PUDP: variants seen among roughly 807,000 people sequenced by gnomAD.
PUDP encodes the protein pseudouridine-5'-phosphatase.
A neutral mutation model predicts 9.4 loss-of-function variants in PUDP; 8 were observed. The ratio of observed to expected loss-of-function variants is 0.85; its 90% CI spans 0.50 to 1.53. The LOEUF is 1.53. Among genes scored for constraint, PUDP ranks in the 40% most tolerant of loss-of-function variants. PUDP has a pLI of 0.00. For synonymous variants in PUDP, 99 were observed against 80.7 expected (o/e 1.23, Z -1.22); for missense variants, 188 against 189.7 (o/e 0.99, Z 0.05).
chrX:7,007,945 T>C (rs1447768334), intron 1 of PUDP, among the ~76,000 whole-genome samples: 2 of 111,263 alleles, frequency 1.8e-5, no homozygotes, highest in Non-Finnish European at 3.8e-5. Flanking sequence ...ACAAGGGCTT[T>C]ATTATGGATA....
chrX:6,713,142 C>T (rs1200800883), intron 1 of PUDP, among the ~76,000 whole-genome samples: 1 of 112,350 alleles, frequency 8.9e-6, no homozygotes, highest in Non-Finnish European at 1.9e-5. Context: ...CCTGTCTTTT[C>T]ATCTTCACAT....
Position 6,715,141 on chromosome X carries a change from A to G in PUDP, n.128+6276T>C, listed in dbSNP as rs1924585742. On this transcript the variant is annotated intron_variant and non_coding_transcript_variant, in intron 1 of 2. Transcript: ENST00000438499. The stretch of plus-strand genomic sequence containing the variant: ...AATATTTTTTACCAAAAGGTAGTTC[A>G]TATTGATCATGTTTTATTTTAATTT... 2.7e-5 allele frequency among the ~76,000 whole-genome samples: 3 copies of G among 111,331 alleles called. No homozygotes were observed. In the South Asian group the frequency reaches 1.1e-3, roughly 41 times the overall value.
chrX:7,003,808 G>A (rs748378535), intron 1 of PUDP, among the ~76,000 whole-genome samples: 2 of 111,849 alleles, frequency 1.8e-5, no homozygotes, highest in East Asian at 2.8e-4. Flanking sequence ...CCACAATTTT[G>A]ATAGTGATGA....
intron 3 of PUDP, among the ~76,000 whole-genome samples, chrX:6,747,331 C>T (rs1925011718): frequency 8.9e-6 from 1 of 111,899 alleles, no homozygotes; most frequent in South Asian, 3.7e-4. Flanking sequence ...TCAGAAGGTA[C>T]AATGCCATCC....
At chrX:6,778,615 A>C (rs150249703) in intron 3 of PUDP, among the ~76,000 whole-genome samples, 1 of 112,469 alleles carries the variant, frequency 8.9e-6, no homozygotes, top group East Asian at 2.8e-4. Flanking sequence ...GAGAGTGAAT[A>C]ATCATTTGCA....
chrX:7,114,609 C>T (rs776309799), intron 1 of PUDP, among the ~76,000 whole-genome samples: 56 of 111,394 alleles, frequency 5.0e-4, no homozygotes, highest in Non-Finnish European at 8.9e-4. Flanking sequence ...CAGGCCCTAC[C>T]CCAGATCTAC....
intron 3 of PUDP, among the ~76,000 whole-genome samples, chrX:7,065,232 C>T (rs1453586717): frequency 1.8e-5 from 2 of 111,776 alleles, no homozygotes; most frequent in Non-Finnish European, 3.8e-5. Flanking sequence ...CTGGGGACAG[C>T]TCTAGGGGTA....
At chrX:6,724,033 T>TA (rs960660523), upstream of PUDP, among the ~76,000 whole-genome samples, 3 of 111,889 alleles carry the variant, frequency 2.7e-5, no homozygotes, top group African/African-American at 9.7e-5. Context: ...AGAAATCTGT[T>TA]ACTGTTTTAT....
intron 3 of PUDP, among the ~76,000 whole-genome samples, chrX:6,809,620 CA>C (rs890056069): frequency 9.0e-6 from 1 of 110,674 alleles, no homozygotes; most frequent in Non-Finnish European, 1.9e-5. Flanking sequence ...TAAAATATAC[CA>C]AATGTAATGC....
At chrX:6,879,786 T>C (rs1425736011) in intron 3 of PUDP, among the ~76,000 whole-genome samples, 1 of 111,347 alleles carries the variant, frequency 9.0e-6, no homozygotes, top group African/African-American at 3.3e-5. Context: ...GTCTCTTCTG[T>C]GCATGCCCAA....
chrX:6,772,777 T>G (rs868321108), intron 3 of PUDP, among the ~76,000 whole-genome samples: 10 of 73,941 alleles, frequency 1.4e-4, no homozygotes, highest in Non-Finnish European at 3.0e-4. Flanking sequence ...CAGCAGAAAA[T>G]TAAAACAAAC....
intron 3 of PUDP, among the ~76,000 whole-genome samples, chrX:6,884,086 C>T (rs766650463): frequency 2.7e-5 from 3 of 111,672 alleles, no homozygotes; most frequent in East Asian, 2.8e-4. Context: ...GTGATCCGCC[C>T]GCCTCAGCCT....
chrX:7,017,820 G>A (rs912671582), intron 1 of PUDP, among the ~76,000 whole-genome samples: 2 of 112,015 alleles, frequency 1.8e-5, no homozygotes, highest in African/African-American at 3.3e-5. Context: ...GGTAAAATGA[G>A]GCTGAGACCT....
chrX:6,900,326 T>G (rs865865173), intron 3 of PUDP, among the ~76,000 whole-genome samples: 11 of 81,595 alleles, frequency 1.3e-4, no homozygotes, highest in Non-Finnish European at 1.9e-4. Flanking sequence ...TGTCACCACT[T>G]GGGGGGGGGG....
chrX:6,747,901 G>A (rs1402474234), intron 3 of PUDP, among the ~76,000 whole-genome samples: 5 of 111,995 alleles, frequency 4.5e-5, no homozygotes, highest in South Asian at 3.7e-4. Flanking sequence ...AGCAGAGAAC[G>A]TAAGAGAAAA....
intron 3 of PUDP, among the ~76,000 whole-genome samples, chrX:6,865,384 C>T (rs2146730494): frequency 8.9e-6 from 1 of 112,402 alleles, no homozygotes; most frequent in South Asian, 3.7e-4. Flanking sequence ...CTCTCTCATT[C>T]AGAGACTTGC....
At chrX:6,776,060 A>G (rs1252988763) in intron 3 of PUDP, among the ~76,000 whole-genome samples, 1 of 112,046 alleles carries the variant, frequency 8.9e-6, no homozygotes, top group Non-Finnish European at 1.9e-5. Context: ...TCACTGGAGA[A>G]CGTCACTGGA....
chrX:6,988,621 G>T (rs1008330357), intron 1 of PUDP, among the ~76,000 whole-genome samples: 5 of 111,599 alleles, frequency 4.5e-5, no homozygotes, highest in Admixed American at 9.5e-5. Context: ...TAATCTAAAT[G>T]GGTCCAGGTG....
Position 7,077,314 on chromosome X carries a change from A to G in PUDP, c.416T>C (p.Leu139Pro), listed in dbSNP as rs1231095559. ...EFFSLFSHIV[L>P]GDDPEVQHGK... The stretch of plus-strand genomic sequence containing the variant: ...ATGCTGCACTTCGGGGTCATCTCCC[A>G]GCACAATGTGGGAAAACAAGCTGAA... Residue 139 changes from leucine (L) to proline (P), a missense_variant, in exon 3 of 4, where the codon CTG (leucine) becomes CCG (proline). By Grantham distance (98) the Leu-to-Pro change is moderately conservative. Coordinates refer to ENST00000381077, the MANE Select transcript of PUDP (RefSeq NM_012080.5). 1 of 1,211,031 alleles carries G rather than the reference A, an allele frequency of 8.3e-7. No homozygotes were observed. Among genetic ancestry groups the G allele is most frequent in the Admixed American group, 2.2e-5 (1 of 45,974 alleles).
Sources: gnomAD v4.1 joint callset for allele counts (sites outside exome capture counted in the v4.1 genomes callset) on GRCh38, gnomAD v4.1.1 for gene constraint, MANE v1.5 for transcripts, NCBI Gene and HGNC (gene_info 2026-07-23, HGNC 2026-07-21) for gene names.